Variants in ITGA3 observed in about 807,000 individuals in gnomAD.
The protein encoded by ITGA3 is integrin subunit alpha 3, also known as integrin alpha-3.
A neutral mutation model predicts 131.1 loss-of-function variants in ITGA3; 70 were observed. That is an observed-to-expected ratio of 0.53 (90% CI 0.44 to 0.65). The LOEUF (loss-of-function observed/expected upper bound fraction) is 0.65, where lower values mean the gene tolerates loss of function less well. Among genes scored for constraint, ITGA3 ranks in the 30% least tolerant of loss-of-function variants. The pLI is 0.00. For missense variants in ITGA3, 1,098 were observed against 1,388.6 expected (o/e 0.79, Z 3.33); for synonymous variants, 537 against 571.6 (o/e 0.94, Z 0.86).
At chr17:50,077,670 G>A (rs551302038) in intron 16 of ITGA3, among the ~76,000 whole-genome samples, 1 of 152,186 alleles carries the variant, frequency 6.6e-6, no homozygotes, top group Non-Finnish European at 1.5e-5. Context: ...GTGGAGGGGA[G>A]GAAACCAGTT....
chr17:50,077,892 G>A, intron 16 of ITGA3, 154 bp from the exon 17 acceptor site: 1 of 610,504 alleles, frequency 1.6e-6, no homozygotes, highest in Non-Finnish European at 2.9e-6. Context: ...GGAGGCAGAG[G>A]TGGGGTGGGG....
At chr17:50,063,761 C>A (rs1908199035) in intron 1 of ITGA3, 2 of 348,586 alleles carry the variant, frequency 5.7e-6, no homozygotes, top group African/African-American at 4.2e-5. Context: ...AAGTGCTCTT[C>A]CTCCCCTTCT....
intron 14 of ITGA3, 111 bp from the exon 15 acceptor site, chr17:50,076,863 T>G (rs969807080): frequency 2.3e-6 from 3 of 1,304,432 alleles, no homozygotes; most frequent in East Asian, 2.4e-5. Context: ...GGGGCCTGGC[T>G]GTCCCAAGAT....
Position 50,071,367 on chromosome 17 carries a change from A to G in ITGA3, c.808A>G (p.Thr270Ala). The G allele has an allele frequency of 1.2e-6, 2 of 1,614,198 alleles. No homozygotes were observed. The highest frequency in any genetic ancestry group is 1.7e-6 in the Non-Finnish European group (2 of 1,180,042). The part of the protein sequence containing the change: ...ILHPKNITIV[T>A]GAPRHRHMGA... ...GCACCCCAAAAACATCACCATTGTG[A>G]CAGGTGCCCCACGGCACCGACATAT... Residue 270 changes from threonine to alanine, a missense_variant, in exon 6 of 26, where the codon ACA becomes GCA. Physicochemically the swap from Thr to Ala is moderately conservative, Grantham distance 58. Transcript: ENST00000320031.
At chr17:50,066,278 G>A (rs1268484092) in intron 3 of ITGA3, among the ~76,000 whole-genome samples, 1 of 151,302 alleles carries the variant, frequency 6.6e-6, no homozygotes, top group Non-Finnish European at 1.5e-5. Flanking sequence ...AGGATTTCAG[G>A]CGTGAGCCAC....
intron 7 of ITGA3, among the ~76,000 whole-genome samples, chr17:50,073,609 C>T (rs946916858): frequency 3.6e-5 from 5 of 137,124 alleles, no homozygotes; most frequent in African/African-American, 5.7e-5. Flanking sequence ...CACACACACA[C>T]ACACACACAC....
rs573905681 is a variant in ITGA3, at chr17:50,089,757, A to G, written c.*679A>G. On this transcript the variant is annotated 3_prime_UTR_variant, in exon 26 of 26. Coordinates refer to ENST00000320031, the MANE Select transcript of ITGA3 (RefSeq NM_002204.4). ...CGGGCCGCTGGCTGGTGGGCCCCCA[A>G]TGACACCCATGCCAGAGAGGTGGGG... The G allele has an allele frequency of 4.1e-5, 7 of 172,554 alleles. No homozygotes were observed. Among genetic ancestry groups the G allele is most frequent in the Admixed American group, 5.5e-5 (1 of 18,030 alleles). 10.7% of individuals were successfully genotyped at this position (172,554 alleles called of 1,614,324 possible).
chr17:50,068,038 T>A lies in ITGA3; in HGVS notation c.415-18T>A. On this transcript the variant is annotated intron_variant, in intron 3 of 25. Coordinates refer to ENST00000320031, the MANE Select transcript of ITGA3 (RefSeq NM_002204.4). ...CCCTGTGCCTGACTAAGGCTGCCTG[T>A]GTTTGGGGGGTCCCCAGGTCTGTGC... is the stretch of plus-strand genomic sequence containing the variant. 6.2e-7 allele frequency: 1 copy of A among 1,613,370 alleles called. No individual in the cohort carries two copies. The highest frequency in any genetic ancestry group is 8.5e-7 in the Non-Finnish European group (1 of 1,179,748).
At position 50,079,472 on chromosome 17, in the gene ITGA3, G is replaced by T. The variant is rs757614915; in HGVS notation, c.2621G>T (p.Arg874Leu). 1 of 1,576,986 alleles carries T rather than the reference G, an allele frequency of 6.3e-7. No homozygotes were observed. Among genetic ancestry groups the T allele is most frequent in the Non-Finnish European group, 8.6e-7 (1 of 1,162,792 alleles). The change falls in exon 21 of 26, where the codon CGG (arginine) becomes CTG (leucine). Residue 874 changes from arginine (R) to leucine (L), a missense_variant. By Grantham distance (102) the Arg-to-Leu change is moderately radical. Coordinates refer to ENST00000320031, the MANE Select transcript of ITGA3 (RefSeq NM_002204.4). ...AGGCCATCATCCCCACAGCGCAGGC[G>T]GCGACAGCTGGATCCAGGGGGAGGC... The part of the protein sequence containing the change: ...GDRPSSPQRR[R>L]RQLDPGGGQG...
chr17:50,078,401 C>A, intron 18 of ITGA3, 117 bp downstream of exon 18: 1 of 730,338 alleles, frequency 1.4e-6, no homozygotes, highest in Non-Finnish European at 2.3e-6. Flanking sequence ...TGTCCTCAGG[C>A]CTCCACTTTC....
At chr17:50,077,280 C>T in intron 15 of ITGA3, 99 bp from the exon 16 acceptor site, 1 of 1,335,852 alleles carries the variant, frequency 7.5e-7, no homozygotes, top group Admixed American at 1.9e-5. Context: ...TTGGAGAATC[C>T]GGCTCTCAAG....
chr17:50,077,496 C>G (rs1012283127), intron 16 of ITGA3, 49 bp downstream of exon 16: 1 of 1,369,610 alleles, frequency 7.3e-7, no homozygotes, highest in Non-Finnish European at 1.0e-6. Context: ...CTGGCTGCAC[C>G]TCTGATGAGC....
chr17:50,080,604 C>T (rs1909148850), intron 22 of ITGA3, among the ~76,000 whole-genome samples: 1 of 152,046 alleles, frequency 6.6e-6, no homozygotes, highest in Non-Finnish European at 1.5e-5. Flanking sequence ...ACTGTCCCAC[C>T]TCCATGCCTT....
At chr17:50,061,306 C>T (rs905541845) in intron 1 of ITGA3, among the ~76,000 whole-genome samples, 1 of 152,094 alleles carries the variant, frequency 6.6e-6, no homozygotes, top group Non-Finnish European at 1.5e-5. Flanking sequence ...GATTGACATG[C>T]GTGCCCAGCT....
intron 23 of ITGA3, among the ~76,000 whole-genome samples, chr17:50,085,982 A>C (rs1373846140): frequency 1.4e-5 from 2 of 139,686 alleles, no homozygotes; most frequent in Non-Finnish European, 3.0e-5. Flanking sequence ...TTATAGATTT[A>C]TAATATATAT....
chr17:50,073,079 C>T (rs929472058), intron 7 of ITGA3, among the ~76,000 whole-genome samples: 4 of 152,182 alleles, frequency 2.6e-5, no homozygotes, highest in African/African-American at 7.2e-5. Flanking sequence ...CATTTGGTTT[C>T]GGCCTGGGAC....
chr17:50,057,130 C>G (rs1485395868), intron 1 of ITGA3, among the ~76,000 whole-genome samples: 1 of 152,240 alleles, frequency 6.6e-6, no homozygotes, highest in Admixed American at 6.5e-5. Flanking sequence ...ATGGCCTTCT[C>G]AACCGCTGGC....
Position 50,076,351 on chromosome 17 carries a change from CCAT to C in ITGA3, c.1708_1710del (p.Ile570del). 6.2e-7 allele frequency: 1 copy of C among 1,613,794 alleles called. No homozygotes were observed. The highest frequency in any genetic ancestry group is 1.1e-5 in the South Asian group (1 of 91,076). ...GACAACCTCCGTGACAAACTCCGCC[CCAT>C]CATCATCTCCATGAACTACTCTTTA... On this transcript the variant is annotated inframe_deletion, in exon 13 of 26. Coordinates refer to ENST00000320031, the MANE Select transcript of ITGA3 (RefSeq NM_002204.4).
At position 50,064,205 on chromosome 17, in the gene ITGA3, G is replaced by A. The variant is rs2144263900; in HGVS notation, c.334+1G>A. The A allele has an allele frequency of 6.2e-7, 1 of 1,605,330 alleles. No individual in the cohort carries two copies. Among genetic ancestry groups the A allele is most frequent in the Non-Finnish European group, 8.5e-7 (1 of 1,176,530 alleles). ...GAGCGGATGAACATCACAGTGAAAA[G>A]TGAGGGGAAGGGGCTGGGGAGGGGT... On this transcript the variant is annotated splice_donor_variant, in intron 2 of 25. Transcript: ENST00000320031. LOFTEE classifies it high-confidence loss of function. The surrounding 1 kb of genome is among the most constrained non-coding windows in gnomAD (Gnocchi z 4.4).
Sources: gnomAD v4.1 joint callset for allele counts (sites outside exome capture counted in the v4.1 genomes callset) on GRCh38, gnomAD v4.1.1 for gene constraint, Gnocchi (gnomAD v3.1) non-coding constraint, MANE v1.5 for transcripts, NCBI Gene and HGNC (gene_info 2026-07-23, HGNC 2026-07-21) for gene names.